PI4KA: variants seen among roughly 807,000 people sequenced by gnomAD.
The protein encoded by PI4KA is PI4-kinase alpha.
PI4KA carries 122 observed loss-of-function variants against 271.4 expected under a neutral mutation model. The ratio of observed to expected loss-of-function variants is 0.45; its 90% CI spans 0.39 to 0.52. The LOEUF is 0.52. Among genes scored for constraint, PI4KA ranks in the 20% least tolerant of loss-of-function variants. The pLI, the probability that PI4KA is intolerant of heterozygous loss-of-function variation, is 0.00. For synonymous variants in PI4KA, 1,041 were observed against 1,078.8 expected (o/e 0.96, Z 0.69); for missense variants, 1,969 against 2,769.1 (o/e 0.71, Z 6.48).
At position 20,826,597 on chromosome 22, in the gene PI4KA, C is replaced by G. The variant is rs368937989; in HGVS notation, c.368-2183G>C. Among the ~76,000 whole-genome samples the G allele has an allele frequency of 9.9e-5, 15 of 152,238 alleles. No individual in the cohort carries two copies. In the South Asian group the frequency reaches 2.7e-3, roughly 27 times the overall value. On this transcript the variant is annotated intron_variant, in intron 3 of 54. Coordinates refer to ENST00000255882, the MANE Select transcript of PI4KA (RefSeq NM_058004.4). ...TGGGATTGCTGGGTCAAATGGTAAT[C>G]CTGTTTTAAATTCTTTCAGAAATTG...
intron 35 of PI4KA, 143 bp downstream of exon 35, chr22:20,733,593 A>G: frequency 8.3e-7 from 1 of 1,201,594 alleles, no homozygotes; most frequent in Non-Finnish European, 1.2e-6. Flanking sequence ...CCACAGGGCC[A>G]GGGATACTGA....
chr22:20,809,856 C>T (rs1451581447), intron 9 of PI4KA, among the ~76,000 whole-genome samples: 2 of 152,190 alleles, frequency 1.3e-5, no homozygotes, highest in South Asian at 4.1e-4. Flanking sequence ...CCAGCACATA[C>T]ATCTCACATC....
At position 20,751,618 on chromosome 22, in the gene PI4KA, C is replaced by G. The variant is rs2088610589; in HGVS notation, c.3069+56G>C. On this transcript the variant is annotated intron_variant, in intron 26 of 54. Transcript: ENST00000255882. ...CACAACACAGGGCGGACAGGGCCGG[C>G]GGGGTGGTGGTAGAGCGGGTGGTGT... 8.5e-6 allele frequency: 12 copies of G among 1,406,018 alleles called. No individual in the cohort carries two copies. The Admixed American group carries it at 1.8e-4, about 22-fold the overall frequency. The allele number at this position is 1,406,018 out of a possible 1,614,324, so 87.1% of individuals were successfully genotyped here.
chr22:20,811,538 A>T (rs1430208602), intron 8 of PI4KA, among the ~76,000 whole-genome samples: 1 of 149,846 alleles, frequency 6.7e-6, no homozygotes, highest in Non-Finnish European at 1.5e-5. Flanking sequence ...CAATAGAAGC[A>T]ATTATTTTCA....
At chr22:20,810,038 T>A (rs1935903645) in intron 9 of PI4KA, among the ~76,000 whole-genome samples, 1 of 152,098 alleles carries the variant, frequency 6.6e-6, no homozygotes, top group Non-Finnish European at 1.5e-5. Flanking sequence ...CAATAAGGAA[T>A]CTGGGTCAGG....
At chr22:20,740,879 A>C (rs940833842) in intron 32 of PI4KA, among the ~76,000 whole-genome samples, 1 of 152,256 alleles carries the variant, frequency 6.6e-6, no homozygotes, top group African/African-American at 2.4e-5. Flanking sequence ...ATCCATATGC[A>C]TCAAAGATGA....
intron 1 of PI4KA, among the ~76,000 whole-genome samples, chr22:20,839,904 C>A (rs1190848299): frequency 1.3e-5 from 2 of 152,120 alleles, no homozygotes; most frequent in Non-Finnish European, 2.9e-5. Flanking sequence ...TAAACATTAT[C>A]TATTGTTATT....
intron 1 of PI4KA, among the ~76,000 whole-genome samples, chr22:20,850,732 C>T (rs1027451686): frequency 2.0e-5 from 3 of 151,942 alleles, no homozygotes; most frequent in African/African-American, 7.2e-5. Flanking sequence ...CCACCGCGCC[C>T]GGCCTACTAA....
chr22:20,714,748 G>T, intron 45 of PI4KA, 48 bp from the exon 46 acceptor site: 1 of 1,584,760 alleles, frequency 6.3e-7, no homozygotes, highest in Non-Finnish European at 8.6e-7. Flanking sequence ...GTCACCACAG[G>T]TGAGCCAGAG....
rs1353050763 is a variant in PI4KA at position 20,804,961 on chromosome 22, C to T, written c.1360+13G>A. ...CCTGGAGCTCACATGAGAGGCAAGGCAGTCTGTCTCACCCTGCTCGTCCTT... is the reference window on the plus strand; with the variant it reads ...CCTGGAGCTCACATGAGAGGCAAGGTAGTCTGTCTCACCCTGCTCGTCCTT... On this transcript the variant is annotated intron_variant, in intron 11 of 54. Transcript: ENST00000255882. The T allele has an allele frequency of 1.9e-6, 3 of 1,597,322 alleles. No individual in the cohort carries two copies. Among genetic ancestry groups the T allele is most frequent in the South Asian group, 2.2e-5 (2 of 89,126 alleles).
chr22:20,816,726 A>G (rs927244072), intron 7 of PI4KA, among the ~76,000 whole-genome samples: 3 of 152,378 alleles, frequency 2.0e-5, no homozygotes, highest in South Asian at 2.1e-4. Context: ...GAGGCATTTC[A>G]GAGAGCAGGG....
At chr22:20,725,349 G>A in intron 42 of PI4KA, 1 of 224,068 alleles carries the variant, frequency 4.5e-6, no homozygotes. Context: ...TCTGTGCCAT[G>A]ACCTGTGCTG....
Position 20,739,153 on chromosome 22 carries a change from G to A in PI4KA, c.3741+3075C>T, listed in dbSNP as rs1473972488. Among the ~76,000 whole-genome samples the A allele has an allele frequency of 4.6e-5, 7 of 151,704 alleles. No homozygotes were observed. In the East Asian group the frequency reaches 1.2e-3, roughly 25 times the overall value. On this transcript the variant is annotated intron_variant, in intron 32 of 54. Coordinates refer to ENST00000255882, the MANE Select transcript of PI4KA (RefSeq NM_058004.4). ...AAGGTCAGGAGATCGAGACCATCCT[G>A]GCTAACACAGTGAAACCCCGTCTCT...
chr22:20,715,944 G>A lies in PI4KA; in HGVS notation c.5318-1244C>T, dbSNP rs950221069. Among the ~76,000 whole-genome samples, 6 of 152,326 alleles carry A rather than the reference G, an allele frequency of 3.9e-5. No homozygotes were observed. The East Asian group carries it at 9.6e-4, about 24-fold the overall frequency. On this transcript the variant is annotated intron_variant, in intron 45 of 54. Transcript: ENST00000255882. ...CTCACTCTGTCACCCAGGCTGGAGT[G>A]CAGTGGTGCAATCTCGGCTCACTGC...
intron 36 of PI4KA, among the ~76,000 whole-genome samples, chr22:20,731,699 G>A (rs528564237): frequency 0.011 from 1,703 of 152,338 alleles, 21 homozygotes; most frequent in Non-Finnish European, 0.018. Flanking sequence ...GGAGGCCGAG[G>A]TGGGCAGATC....
chr22:20,786,270 C>A, intron 19 of PI4KA: 1 of 1,111,302 alleles, frequency 9.0e-7, no homozygotes, highest in Non-Finnish European at 1.4e-6. Flanking sequence ...GCTGAGTCTG[C>A]TCTTCGGCCT....
In PI4KA at chr22:20,819,782, G is replaced by A; in HGVS notation, c.648C>T (p.Ser216=). ...CTTCAAGCTCTTCCAGGACACGGAG[G>A]GAATGAGGAGGGATTTTGGGAAAGA... The part of the protein sequence containing the change: ...SKLFPKIPPH[S]LRVLEELEGV... Residue 216 remains serine (S), a synonymous_variant, in exon 6 of 55, where the codon TCC becomes TCT. Transcript: ENST00000255882. The A allele has an allele frequency of 6.2e-7, 1 of 1,614,142 alleles. No homozygotes were observed. The highest frequency in any genetic ancestry group is 2.2e-5 in the East Asian group (1 of 44,884).
intron 19 of PI4KA, among the ~76,000 whole-genome samples, chr22:20,778,052 G>C (rs1933439856): frequency 6.6e-6 from 1 of 152,102 alleles, no homozygotes; most frequent in Non-Finnish European, 1.5e-5. Flanking sequence ...AGATTTAGTT[G>C]CTCCTGACAG....
At chr22:20,720,039 A>C (rs1341733830) in intron 43 of PI4KA, among the ~76,000 whole-genome samples, 2 of 150,508 alleles carry the variant, frequency 1.3e-5, no homozygotes, top group South Asian at 2.1e-4. Context: ...AAAAAAAAAA[A>C]AAAAAAAAAA....
Sources: gnomAD v4.1 joint callset for allele counts (sites outside exome capture counted in the v4.1 genomes callset) on GRCh38, gnomAD v4.1.1 for gene constraint, MANE v1.5 for transcripts, NCBI Gene and HGNC (gene_info 2026-07-23, HGNC 2026-07-21) for gene names.